The following FHAD1 variants were observed in gnomAD, a reference collection of about 807,000 sequenced individuals.
The protein encoded by FHAD1 is forkhead associated phosphopeptide binding domain 1, also known as forkhead-associated domain-containing protein 1.
A neutral mutation model predicts 191.3 loss-of-function variants in FHAD1; 146 were observed. That is an observed-to-expected ratio of 0.76 (90% CI 0.67 to 0.88). The LOEUF is 0.88. Ranked by LOEUF, FHAD1 falls within the 40% of genes least tolerant of loss-of-function variation. The pLI is 0.00. For synonymous variants in FHAD1, 616 were observed against 672.3 expected, an observed-to-expected ratio of 0.92 and a Z score of 1.29; for missense variants, 1,635 against 1,785.8, an observed-to-expected ratio of 0.92 and a Z score of 1.52.
intron 20 of FHAD1, chr1:15,357,872 G>A (rs939446047): frequency 9.5e-6 from 4 of 420,880 alleles, no homozygotes; most frequent in Non-Finnish European, 1.2e-5. Flanking sequence ...TGAGCTCCAG[G>A]TGACAGAACT....
intron 2 of FHAD1, among the ~76,000 whole-genome samples, chr1:15,262,014 C>G (rs1651301046): frequency 6.6e-6 from 1 of 152,044 alleles, no homozygotes; most frequent in Admixed American, 6.5e-5. Flanking sequence ...GTGTTTTTAG[C>G]ACACACGCAC....
rs1226172653 is a variant in FHAD1 at position 15,397,612 on chromosome 1, T to C, written c.*199T>C. 1.3e-5 allele frequency: 5 copies of C among 380,868 alleles called. No individual in the cohort carries two copies. The highest frequency in any genetic ancestry group is 8.2e-5 in the African/African-American group (4 of 48,882). The allele number at this position is 380,868 out of a possible 1,614,324, so 23.6% of individuals were successfully genotyped here. A position where few individuals can be genotyped will look rare whatever the true frequency, so the allele number is the denominator to read the frequency against. On this transcript the variant is annotated 3_prime_UTR_variant, in exon 34 of 34. Transcript: ENST00000688493. ...AGAAGGGTTCTTCTTTAAAAATACC[T>C]ATGAATGTACACGAACTCAGGTATA...
chr1:15,363,721 C>A (rs1695535928), intron 23 of FHAD1: 1 of 456,334 alleles, frequency 2.2e-6, no homozygotes, highest in Non-Finnish European at 4.4e-6. Context: ...GATTTCAACT[C>A]TCCTGACCCT....
intron 13 of FHAD1, 73 bp downstream of exon 13, chr1:15,328,502 C>A (rs1679819305): frequency 7.9e-7 from 1 of 1,269,518 alleles, no homozygotes; most frequent in African/African-American, 1.5e-5. Context: ...GGAAATTGCC[C>A]AGCTTTTTTG....
chr1:15,244,377 C>T, upstream of FHAD1, among the ~76,000 whole-genome samples: 1 of 152,178 alleles, frequency 6.6e-6, no homozygotes, highest in Non-Finnish European at 1.5e-5. This position sits in a 1 kb window ranked among gnomAD's most constrained non-coding sequence, Gnocchi z 5.1. Context: ...CAGATGATCT[C>T]TCAAAGCCTG....
chr1:15,376,056 T>C (rs1411258489), intron 28 of FHAD1, among the ~76,000 whole-genome samples: 2 of 80,536 alleles, frequency 2.5e-5, no homozygotes, highest in African/African-American at 1.1e-4. Flanking sequence ...TTTATTTATT[T>C]ATTTATTTAT....
chr1:15,272,441 AC>A lies in FHAD1; in HGVS notation c.213del (p.Asn71LysfsTer4). The A allele has an allele frequency of 6.4e-7, 1 of 1,551,574 alleles. No homozygotes were observed. Among genetic ancestry groups the A allele is most frequent in the African/African-American group, 1.4e-5 (1 of 73,146 alleles). ...TTTGTCAACGAGTGCCACATTCAAA[AC>A]GTGGCTGTGAAGCTCATCCCTGGAG... ...GTFVNECHIQ[N>X]VAVKLIPGDI... On this transcript the variant is annotated frameshift_variant, in exon 3 of 34. Coordinates refer to ENST00000688493, the MANE Select transcript of FHAD1 (RefSeq NM_001391957.1). LOFTEE classifies it high-confidence loss of function.
At position 15,381,978 on chromosome 1, in the gene FHAD1, G is replaced by T; in HGVS notation, c.4023-50G>T. 6.5e-7 allele frequency: 1 copy of T among 1,540,274 alleles called. No individual in the cohort carries two copies. Among genetic ancestry groups the T allele is most frequent in the South Asian group, 1.2e-5 (1 of 83,036 alleles). On this transcript the variant is annotated intron_variant, in intron 30 of 33. Transcript: ENST00000688493. The surrounding 1 kb of genome is among the most constrained non-coding windows in gnomAD (Gnocchi z 4.6). ...CTTCCGGGTCTGGCACATTGATGAT[G>T]ATTGGGAAAGATAAGGGAAAAACAG...
intron 28 of FHAD1, among the ~76,000 whole-genome samples, chr1:15,378,171 G>T (rs902374482): frequency 1.3e-5 from 2 of 152,200 alleles, no homozygotes; most frequent in African/African-American, 4.8e-5. Flanking sequence ...AGGCATGGTG[G>T]TGCACATCCG....
intron 31 of FHAD1, among the ~76,000 whole-genome samples, chr1:15,386,849 C>CTTTTTTTTTTTT (rs59453670): frequency 9.0e-5 from 13 of 144,214 alleles, no homozygotes; most frequent in African/African-American, 2.4e-4. Flanking sequence ...TCCTTTCTTT[C>CTTTTTTTTTTTT]TTTTTTTTTT....
At chr1:15,326,062 T>A (rs999803033) in intron 11 of FHAD1, 1 of 152,368 alleles carries the variant, frequency 6.6e-6, no homozygotes, top group Non-Finnish European at 1.5e-5. Flanking sequence ...AACCAGAGGA[T>A]GGCTTTGAGA....
At chr1:15,273,695 G>A (rs1391370822) in intron 3 of FHAD1, among the ~76,000 whole-genome samples, 2 of 152,110 alleles carry the variant, frequency 1.3e-5, no homozygotes, top group African/African-American at 4.8e-5. Flanking sequence ...TTTTGTGTTG[G>A]TTTGTGCAAT....
At chr1:15,369,817 C>A (rs1373610986) in intron 26 of FHAD1, among the ~76,000 whole-genome samples, 1 of 152,176 alleles carries the variant, frequency 6.6e-6, no homozygotes, top group African/African-American at 2.4e-5. Flanking sequence ...CCAACTCCTC[C>A]ACTTAGAAAC....
intron 3 of FHAD1, among the ~76,000 whole-genome samples, chr1:15,288,709 G>A (rs943731221): frequency 6.6e-6 from 1 of 152,266 alleles, no homozygotes; most frequent in Non-Finnish European, 1.5e-5. Flanking sequence ...ATCCCTTAGA[G>A]GGGACATTCT....
chr1:15,379,492 G>C (rs1218423254), intron 28 of FHAD1, among the ~76,000 whole-genome samples: 2 of 152,178 alleles, frequency 1.3e-5, no homozygotes, highest in Non-Finnish European at 2.9e-5. Context: ...GCAGGAGACA[G>C]ATGCCTTCCT....
chr1:15,253,241 CAT>C (rs1647013484), intron 2 of FHAD1, among the ~76,000 whole-genome samples: 4 of 151,670 alleles, frequency 2.6e-5, no homozygotes, highest in Non-Finnish European at 5.9e-5. Flanking sequence ...TTATAGATCA[CAT>C]GTGTATTCAT....
At chr1:15,314,369 G>A (rs1031024547) in intron 8 of FHAD1, 1 of 152,146 alleles carries the variant, frequency 6.6e-6, no homozygotes, top group Admixed American at 6.5e-5. Context: ...GGAGCCCCGG[G>A]GGCACACAGA....
chr1:15,388,501 C>T (rs1259592322), intron 32 of FHAD1: 2 of 608,024 alleles, frequency 3.3e-6, no homozygotes, highest in Non-Finnish European at 4.5e-6. Flanking sequence ...AACTTGGGGA[C>T]TTGGAGGCAA....
intron 4 of FHAD1, among the ~76,000 whole-genome samples, chr1:15,294,804 A>C (rs559194121): frequency 1.1e-4 from 16 of 151,720 alleles, no homozygotes; most frequent in Admixed American, 3.3e-4. Flanking sequence ...CCCAGATGTT[A>C]CCAAATGTCA....
Sources: gnomAD v4.1 joint callset for allele counts (sites outside exome capture counted in the v4.1 genomes callset) on GRCh38, gnomAD v4.1.1 for gene constraint, Gnocchi (gnomAD v3.1) non-coding constraint, MANE v1.5 for transcripts, NCBI Gene and HGNC (gene_info 2026-07-23, HGNC 2026-07-21) for gene names.